Variants in CDH6 observed in about 807,000 individuals in gnomAD.
CDH6 encodes cadherin-6.
Under a neutral mutation model 78.0 loss-of-function variants are expected in CDH6, and 31 were observed. The observed-to-expected ratio is 0.40, with a 90% CI of 0.30 to 0.54. CDH6 has a LOEUF of 0.54. CDH6 is among the 20% of genes least tolerant of loss of function. The probability of loss-of-function intolerance (pLI) is 0.56; values close to 1 mark genes in which losing one functional copy is unlikely to be tolerated. For synonymous variants in CDH6, 376 were observed against 368.8 expected (o/e 1.02, Z -0.23); for missense variants, 724 against 975.9 (o/e 0.74, Z 3.44).
chr5:31,265,767 A>ATTT (rs1561049205), intron 1 of CDH6, among the ~76,000 whole-genome samples: 1 of 112,396 alleles, frequency 8.9e-6, no homozygotes. Context: ...ATTTAAGACA[A>ATTT]TGTTTTTTTT....
chr5:31,307,825 A>G (rs1169871182), intron 7 of CDH6, among the ~76,000 whole-genome samples: 6 of 152,162 alleles, frequency 3.9e-5, no homozygotes, highest in Non-Finnish European at 5.9e-5. Flanking sequence ...TTCCATATCT[A>G]TATTACTTTT....
intron 1 of CDH6, among the ~76,000 whole-genome samples, chr5:31,226,574 C>G (rs11746698): frequency 0.26 from 39,709 of 152,080 alleles, 5,784 homozygotes; most frequent in Non-Finnish European, 0.32. Context: ...AGAGGTTGTG[C>G]GACTTGGCCA....
intron 2 of CDH6, among the ~76,000 whole-genome samples, chr5:31,283,143 G>A (rs549929970): frequency 2.2e-4 from 34 of 152,144 alleles, no homozygotes; most frequent in Non-Finnish European, 4.1e-4. Flanking sequence ...TTGGGAAGAC[G>A]CTACTGGCAC....
chr5:31,225,280 G>A (rs1243144490), intron 1 of CDH6, among the ~76,000 whole-genome samples: 3 of 152,148 alleles, frequency 2.0e-5, no homozygotes, highest in East Asian at 1.9e-4. Flanking sequence ...CTGCATCAAC[G>A]CAGAGGGCTG....
chr5:31,303,938 C>T (rs1461787524), intron 6 of CDH6, among the ~76,000 whole-genome samples: 6 of 152,198 alleles, frequency 3.9e-5, no homozygotes, highest in East Asian at 1.9e-4. Context: ...TTTGCCTAGA[C>T]GACTAAATCA....
At chr5:31,225,658 T>C (rs1741132663) in intron 1 of CDH6, among the ~76,000 whole-genome samples, 1 of 152,002 alleles carries the variant, frequency 6.6e-6, no homozygotes, top group East Asian at 1.9e-4. Flanking sequence ...TCACTAACTG[T>C]CATGAGAACA....
chr5:31,274,757 T>C (rs1445847618), intron 2 of CDH6, among the ~76,000 whole-genome samples: 1 of 152,142 alleles, frequency 6.6e-6, no homozygotes, highest in Non-Finnish European at 1.5e-5. Flanking sequence ...GAGGCAAAGG[T>C]TGCAGTGAGC....
At chr5:31,245,598 T>A (rs1394095213) in intron 1 of CDH6, among the ~76,000 whole-genome samples, 1 of 152,202 alleles carries the variant, frequency 6.6e-6, no homozygotes, top group Non-Finnish European at 1.5e-5. Flanking sequence ...TACTTTTAAG[T>A]TGAATAGTTG....
At chr5:31,209,844 A>C (rs1740642296) in intron 1 of CDH6, among the ~76,000 whole-genome samples, 1 of 152,142 alleles carries the variant, frequency 6.6e-6, no homozygotes, top group South Asian at 2.1e-4. Flanking sequence ...TTTGCCTCAG[A>C]GTCGAAGATG....
intron 3 of CDH6, among the ~76,000 whole-genome samples, chr5:31,296,333 C>T (rs908342233): frequency 1.3e-5 from 2 of 152,068 alleles, no homozygotes; most frequent in Non-Finnish European, 2.9e-5. Context: ...CAGAATTTCT[C>T]CTCAGTGAAA....
At chr5:31,204,384 C>T (rs1488674367) in intron 1 of CDH6, among the ~76,000 whole-genome samples, 4 of 152,104 alleles carry the variant, frequency 2.6e-5, no homozygotes, top group Admixed American at 6.5e-5. Flanking sequence ...TCTCCCCAAA[C>T]GTAACGCTAG....
chr5:31,284,093 G>A (rs1470473334), intron 2 of CDH6, among the ~76,000 whole-genome samples: 1 of 152,152 alleles, frequency 6.6e-6, no homozygotes, highest in Non-Finnish European at 1.5e-5. Flanking sequence ...GAGATTACAG[G>A]AATGAGCCAC....
Position 31,293,834 on chromosome 5 carries a change from A to AAAT in CDH6, c.229-126_229-125insTAA, listed in dbSNP as rs199657617. On this transcript the variant is annotated intron_variant, in intron 2 of 11. Coordinates refer to ENST00000265071, the MANE Select transcript of CDH6 (RefSeq NM_004932.4). ...ATTAAGAGGTTACGTAAATAGTAAA[A>AAAT]AAAAAAAAACTTGTATTCCTTAGAA... The AAAT allele has an allele frequency of 3.9e-3, 2,225 of 564,380 alleles. 52 individuals carry two copies. The highest frequency in any genetic ancestry group is 0.039 in the African/African-American group (2,023 of 51,456). 35.0% of individuals were successfully genotyped at this position (564,380 alleles called of 1,614,324 possible). A position where few individuals can be genotyped will look rare whatever the true frequency, so the allele number is the denominator to read the frequency against.
At chr5:31,245,965 T>C (rs1475103532) in intron 1 of CDH6, among the ~76,000 whole-genome samples, 1 of 142,198 alleles carries the variant, frequency 7.0e-6, no homozygotes, top group East Asian at 2.2e-4. Flanking sequence ...TGGAGTGCAA[T>C]GGCACAATCT....
intron 8 of CDH6, among the ~76,000 whole-genome samples, 189 bp from the exon 9 acceptor site, chr5:31,316,019 A>G (rs1181173852): frequency 6.6e-6 from 1 of 152,228 alleles, no homozygotes; most frequent in Non-Finnish European, 1.5e-5. Flanking sequence ...TAACAGGTGC[A>G]TCCAACTCCA....
In CDH6 at chr5:31,222,254, A is replaced by G. The variant is rs558069270; in HGVS notation, c.-129+28368A>G. On this transcript the variant is annotated intron_variant, in intron 1 of 11. Coordinates refer to ENST00000265071, the MANE Select transcript of CDH6 (RefSeq NM_004932.4). ...ATAATGACAAAACTCTGACAATCAA[A>G]TGAACATTCCTTAATGCCAATTTTT... 5.3e-5 allele frequency among the ~76,000 whole-genome samples: 8 copies of G among 152,324 alleles called. No homozygotes were observed. In the East Asian group the frequency reaches 5.8e-4, roughly 11 times the overall value.
chr5:31,243,731 T>C (rs1005894250), intron 1 of CDH6, among the ~76,000 whole-genome samples: 1 of 152,216 alleles, frequency 6.6e-6, no homozygotes, highest in African/African-American at 2.4e-5. Context: ...CATCTGGACC[T>C]GTTAGATCCC....
intron 1 of CDH6, among the ~76,000 whole-genome samples, chr5:31,213,613 T>A (rs1363104121): frequency 6.6e-6 from 1 of 152,234 alleles, no homozygotes; most frequent in Non-Finnish European, 1.5e-5. Flanking sequence ...GTCCTTTTTT[T>A]AAAGCCTTTT....
intron 7 of CDH6, among the ~76,000 whole-genome samples, chr5:31,312,457 G>A (rs1290622538): frequency 3.9e-5 from 6 of 152,168 alleles, no homozygotes; most frequent in Non-Finnish European, 7.3e-5. Context: ...CCAGCACTTC[G>A]GGAGGCCGAG....
Sources: gnomAD v4.1 joint callset for allele counts (sites outside exome capture counted in the v4.1 genomes callset) on GRCh38, gnomAD v4.1.1 for gene constraint, MANE v1.5 for transcripts, NCBI Gene and HGNC (gene_info 2026-07-23, HGNC 2026-07-21) for gene names.